The following GPC5 variants were observed in gnomAD, a reference collection of about 807,000 sequenced individuals.
GPC5 encodes glypican-5.
A neutral mutation model predicts 53.9 loss-of-function variants in GPC5; 47 were observed. The ratio of observed to expected loss-of-function variants is 0.87; its 90% confidence interval spans 0.69 to 1.11. The LOEUF (loss-of-function observed/expected upper bound fraction) is 1.11, where lower values mean the gene tolerates loss of function less well. Ranked by LOEUF, GPC5 falls within the 50% of genes most tolerant of loss-of-function variation. The pLI is 0.00. For synonymous variants in GPC5, 286 were observed against 263.3 expected (o/e 1.09, Z -0.84); for missense variants, 748 against 713.1 (o/e 1.05, Z -0.56).
Position 91,523,893 on chromosome 13 carries a change from CTT to C in GPC5, c.325+74973_325+74974del, listed in dbSNP as rs374952074. Among the ~76,000 whole-genome samples, 95 of 151,942 alleles carry C rather than the reference CTT, an allele frequency of 6.3e-4. 1 individual carries two copies. The South Asian group carries it at 0.019, about 31-fold the overall frequency. On this transcript the variant is annotated intron_variant, in intron 2 of 7. Coordinates refer to ENST00000377067, the MANE Select transcript of GPC5 (RefSeq NM_004466.6). The stretch of plus-strand genomic sequence containing the variant: ...CACTCAAAAAGTGTTTTGAGTTCAC[CTT>C]TAAAACCAAGTCTTGATTTTCCTTT...
chr13:91,575,281 TA>T (rs1202620843), intron 2 of GPC5, among the ~76,000 whole-genome samples: 1 of 152,140 alleles, frequency 6.6e-6, no homozygotes, highest in Admixed American at 6.6e-5. Context: ...AATTATAGTA[TA>T]AAATGGTCAA....
intron 7 of GPC5, among the ~76,000 whole-genome samples, chr13:92,398,804 A>C (rs1416382071): frequency 6.6e-6 from 1 of 152,128 alleles, no homozygotes; most frequent in Non-Finnish European, 1.5e-5. Context: ...CAGTTCCAAA[A>C]ACTCAAATAT....
At chr13:91,477,240 C>G (rs537343468) in intron 2 of GPC5, among the ~76,000 whole-genome samples, 1 of 151,962 alleles carries the variant, frequency 6.6e-6, no homozygotes, top group Non-Finnish European at 1.5e-5. Flanking sequence ...AATTATAAGG[C>G]CCTGGACTAT....
At chr13:91,566,624 C>A (rs1266743036) in intron 2 of GPC5, among the ~76,000 whole-genome samples, 1 of 152,004 alleles carries the variant, frequency 6.6e-6, no homozygotes, top group African/African-American at 2.4e-5. Context: ...AGTTGAATGG[C>A]TAGTATGTGA....
intron 5 of GPC5, among the ~76,000 whole-genome samples, chr13:91,868,981 A>G (rs1189361055): frequency 6.6e-6 from 1 of 152,106 alleles, no homozygotes; most frequent in East Asian, 1.9e-4. Flanking sequence ...TAAAGGATCA[A>G]TTTGACTATA....
intron 7 of GPC5, among the ~76,000 whole-genome samples, chr13:92,218,223 A>G (rs1387035579): frequency 6.6e-6 from 1 of 151,982 alleles, no homozygotes; most frequent in Non-Finnish European, 1.5e-5. Flanking sequence ...CTTTACCCTA[A>G]TTTATACCAA....
rs186417520 is a variant in GPC5, at chr13:91,626,981, C to T, written c.326-66206C>T. On this transcript the variant is annotated intron_variant, in intron 2 of 7. Transcript: ENST00000377067. ...GATGGTTTCCAGCTTCATCCATGTCCCTACAAAGGACATGAACTCATCATT... is the reference window on the plus strand; with the variant it reads ...GATGGTTTCCAGCTTCATCCATGTCTCTACAAAGGACATGAACTCATCATT... Among the ~76,000 whole-genome samples, 83 of 128,624 alleles carry T rather than the reference C, an allele frequency of 6.5e-4. 5 individuals are homozygous for T. The highest frequency in any genetic ancestry group is 2.6e-3 in the African/African-American group (82 of 31,868). The allele number at this position is 128,624 out of a possible 152,430, so 84.4% of individuals were successfully genotyped here.
chr13:92,527,252 AAAGAAAG>A lies in GPC5; in HGVS notation c.1562-339027_1562-339021del, dbSNP rs1566277278. Among the ~76,000 whole-genome samples, 124 of 98,362 alleles carry A rather than the reference AAAGAAAG, an allele frequency of 1.3e-3. 9 individuals are homozygous for A. Among genetic ancestry groups the A allele is most frequent in the African/African-American group, 6.2e-3 (117 of 18,866 alleles). The allele number at this position is 98,362 out of a possible 152,430, so 64.5% of individuals were successfully genotyped here. On this transcript the variant is annotated intron_variant, in intron 7 of 7. Transcript: ENST00000377067. ...AAGAAAGAAAGAAAGAAAGAAAGAGAAAGAAAGAAAGAAAGAAAGAAAGAAAGAAAAA... is the reference window on the plus strand; with the variant it reads ...AAGAAAGAAAGAAAGAAAGAAAGAGAAAAGAAAGAAAGAAAGAAAGAAAAA...
intron 1 of GPC5, among the ~76,000 whole-genome samples, chr13:91,423,770 G>A (rs1878813840): frequency 6.6e-6 from 1 of 152,302 alleles, no homozygotes; most frequent in Non-Finnish European, 1.5e-5. Flanking sequence ...TTAGAGATAT[G>A]TTAATTAACC....
chr13:91,662,157 G>A (rs1039512256), intron 2 of GPC5, among the ~76,000 whole-genome samples: 1 of 152,268 alleles, frequency 6.6e-6, no homozygotes, highest in South Asian at 2.1e-4. Context: ...TTTTCAATTA[G>A]AAGGATGGAG....
chr13:92,768,495 A>G (rs560270966), intron 7 of GPC5, among the ~76,000 whole-genome samples: 36 of 152,152 alleles, frequency 2.4e-4, no homozygotes, highest in Admixed American at 5.9e-4. Context: ...CTCATTTTTA[A>G]GCAATTTTCT....
intron 2 of GPC5, among the ~76,000 whole-genome samples, chr13:91,676,525 TAG>T (rs2035387951): frequency 6.6e-6 from 1 of 152,184 alleles, no homozygotes; most frequent in African/African-American, 2.4e-5. Context: ...GGTAGCAACT[TAG>T]AGTAGTTTAG....
At chr13:92,419,091 G>A (rs1275367696) in intron 7 of GPC5, among the ~76,000 whole-genome samples, 1 of 152,130 alleles carries the variant, frequency 6.6e-6, no homozygotes, top group African/African-American at 2.4e-5. Flanking sequence ...TTCACTCAGG[G>A]AAGCATTTAA....
At chr13:92,227,962 C>T (rs1033981283) in intron 7 of GPC5, among the ~76,000 whole-genome samples, 3 of 151,980 alleles carry the variant, frequency 2.0e-5, no homozygotes, top group Non-Finnish European at 2.9e-5. Context: ...GTATTGTATA[C>T]TTCCAATAAA....
chr13:92,519,088 T>A (rs560539828), intron 7 of GPC5, among the ~76,000 whole-genome samples: 115 of 152,336 alleles, frequency 7.5e-4, no homozygotes, highest in African/African-American at 2.7e-3. Flanking sequence ...ACTATCTTAA[T>A]ATATATGCAC....
intron 7 of GPC5, among the ~76,000 whole-genome samples, chr13:92,291,616 A>C (rs1319476069): frequency 6.6e-6 from 1 of 152,202 alleles, no homozygotes; most frequent in Non-Finnish European, 1.5e-5. Context: ...GACTAAAAGC[A>C]GGCTGCTGGA....
chr13:91,839,555 T>G (rs1216842449), intron 5 of GPC5, among the ~76,000 whole-genome samples: 1 of 151,800 alleles, frequency 6.6e-6, no homozygotes, highest in Non-Finnish European at 1.5e-5. Context: ...TATGTAATAT[T>G]AAAAAAAATT....
chr13:92,425,041 C>A (rs536944235), intron 7 of GPC5, among the ~76,000 whole-genome samples: 140 of 152,118 alleles, frequency 9.2e-4, no homozygotes, highest in African/African-American at 3.3e-3. Flanking sequence ...CTCCAACCAG[C>A]ATTTTCTATT....
chr13:92,267,331 C>G (rs920641732), intron 7 of GPC5, among the ~76,000 whole-genome samples: 9 of 152,038 alleles, frequency 5.9e-5, no homozygotes, highest in African/African-American at 2.2e-4. Context: ...ATCATTACCA[C>G]TTCAGAATTT....
Sources: gnomAD v4.1 joint callset for allele counts (sites outside exome capture counted in the v4.1 genomes callset) on GRCh38, gnomAD v4.1.1 for gene constraint, MANE v1.5 for transcripts, NCBI Gene and HGNC (gene_info 2026-07-23, HGNC 2026-07-21) for gene names.